Variants in BCAR1 observed in about 807,000 individuals in gnomAD.
BCAR1 encodes the protein BCAR1 scaffold protein, Cas family member.
A neutral mutation model predicts 67.6 loss-of-function variants in BCAR1; 30 were observed. That is an observed-to-expected ratio of 0.44 (90% CI 0.33 to 0.60). The LOEUF is 0.60. Ranked by LOEUF, BCAR1 falls within the 20% of genes least tolerant of loss-of-function variation. The probability of loss-of-function intolerance (pLI) is 0.02; values close to 1 mark genes in which losing one functional copy is unlikely to be tolerated. For synonymous variants in BCAR1, 626 were observed against 556.7 expected, an observed-to-expected ratio of 1.12 and a Z score of -1.75; for missense variants, 1,313 against 1,222.3, an observed-to-expected ratio of 1.07 and a Z score of -1.11.
At chr16:75,238,918 C>G (rs1017015699) in intron 2 of BCAR1, 13 of 985,290 alleles carry the variant, frequency 1.3e-5, no homozygotes, top group Non-Finnish European at 1.6e-5. Flanking sequence ...AGCCTCAAGG[C>G]TCAGCCAGGA....
intron 1 of BCAR1, among the ~76,000 whole-genome samples, chr16:75,259,266 T>G (rs1445711108): frequency 6.6e-6 from 1 of 152,232 alleles, no homozygotes; most frequent in Non-Finnish European, 1.5e-5. Context: ...GGCATACAAT[T>G]GGATATCAGG....
chr16:75,239,419 T>C (rs540031447), intron 2 of BCAR1, among the ~76,000 whole-genome samples: 17 of 151,944 alleles, frequency 1.1e-4, no homozygotes, highest in African/African-American at 4.1e-4. Flanking sequence ...GTGCCGCCCC[T>C]CTCCTCCCCT....
chr16:75,253,542 T>C (rs566086331), upstream of BCAR1, among the ~76,000 whole-genome samples: 1 of 152,176 alleles, frequency 6.6e-6, no homozygotes, highest in Non-Finnish European at 1.5e-5. Flanking sequence ...GTAGCTGCAT[T>C]AGAACAGCAC....
chr16:75,236,860 C>T (rs1445103288), intron 4 of BCAR1, 22 bp downstream of exon 4: 2 of 1,607,912 alleles, frequency 1.2e-6, no homozygotes, highest in Non-Finnish European at 1.7e-6. Flanking sequence ...CTGGCCCTGG[C>T]ATTGCCCTGG....
upstream of BCAR1, chr16:75,252,233 A>G (rs74024754): frequency 2.8e-3 from 4,296 of 1,536,514 alleles, 37 homozygotes; most frequent in African/African-American, 0.031. Flanking sequence ...GGCAGCACCT[A>G]CCTTCCCCTG....
chr16:75,247,935 T>C (rs932024769), intron 1 of BCAR1: 49 of 779,442 alleles, frequency 6.3e-5, no homozygotes, highest in Non-Finnish European at 1.0e-4. Flanking sequence ...AGTGCCACAC[T>C]TGTCACTAAG....
upstream of BCAR1, chr16:75,251,870 A>T (rs536502022): frequency 3.4e-4 from 89 of 260,148 alleles, no homozygotes; most frequent in African/African-American, 2.2e-3. Flanking sequence ...ACCGCTCTCC[A>T]ACAAATGCAC....
At position 75,228,606 on chromosome 16, in the gene BCAR1, A is replaced by C. The variant is rs1188121126; in HGVS notation, c.*905T>G. The C allele has an allele frequency of 1.3e-5, 2 of 152,338 alleles. No individual in the cohort carries two copies. The allele number at this position is 152,338 out of a possible 1,614,324, so 9.4% of individuals were successfully genotyped here. On this transcript the variant is annotated 3_prime_UTR_variant, in exon 7 of 7. Transcript: ENST00000162330. ...GAGATTCTTTTAAGCAGAGCTCTGG[A>C]TGCAGCCCCCAGCGGTGCCCTCGGC...
chr16:75,250,960 G>C, intron 1 of BCAR1: 2 of 985,420 alleles, frequency 2.0e-6, no homozygotes, highest in South Asian at 9.4e-5. Flanking sequence ...CTGGAGCCGG[G>C]TGCTCCGGCT....
intron 1 of BCAR1, chr16:75,245,964 C>CTTTTTGTTTTTTTTTTT (rs2077506215): frequency 2.0e-5 from 1 of 49,634 alleles, no homozygotes; most frequent in Non-Finnish European, 3.6e-5. Flanking sequence ...TAGGATTGTT[C>CTTTTTGTTTTTTTTTTT]TTTTTTTTTT....
upstream of BCAR1, chr16:75,251,781 C>G (rs2077687603): frequency 1.7e-6 from 1 of 598,200 alleles, no homozygotes; most frequent in African/African-American, 2.0e-5. Flanking sequence ...AGGGGCCGCC[C>G]CCCGCCCCGC....
intron 6 of BCAR1, among the ~76,000 whole-genome samples, 176 bp from the exon 7 acceptor site, chr16:75,230,199 G>A (rs973065631): frequency 6.6e-6 from 1 of 152,230 alleles, no homozygotes; most frequent in East Asian, 1.9e-4. Context: ...ACCATGGCAA[G>A]CCTTCTGGAG....
Position 75,235,227 on chromosome 16 carries a change from G to C in BCAR1, c.1672C>G (p.His558Asp), listed in dbSNP as rs2077065202. The C allele has an allele frequency of 6.2e-7, 1 of 1,606,980 alleles. No individual in the cohort carries two copies. Among genetic ancestry groups the C allele is most frequent in the Non-Finnish European group, 8.5e-7 (1 of 1,176,272 alleles). ...CGGCCAGCGTCGAGGGCCTGACCAT[G>C]TGCCACCAGCGTCTGGTGCACGTCC... ...MEDVHQTLVA[H>D]GQALDAGRGG... The change falls in exon 5 of 7, where the codon CAT becomes GAT. Residue 558 changes from histidine to aspartate, a missense_variant. Physicochemically the swap from His to Asp is moderately conservative, Grantham distance 81. This residue lies in a region of BCAR1 where 1,272 missense variants were observed against 1,137.5 expected (regional missense o/e 1.12). Coordinates refer to ENST00000162330, the MANE Select transcript of BCAR1 (RefSeq NM_014567.5).
chr16:75,249,937 G>C (rs761195358), intron 1 of BCAR1: 6 of 152,252 alleles, frequency 3.9e-5, no homozygotes, highest in African/African-American at 9.7e-5. Flanking sequence ...ACAACTGACT[G>C]TCTCTCTGTA....
At chr16:75,244,378 G>A (rs1463192190) in intron 1 of BCAR1, among the ~76,000 whole-genome samples, 2 of 152,270 alleles carry the variant, frequency 1.3e-5, no homozygotes, top group Non-Finnish European at 2.9e-5. Flanking sequence ...GAAACAGGAA[G>A]CAGGAGCCTG....
chr16:75,265,929 C>G, intron 1 of BCAR1: 1 of 1,100,238 alleles, frequency 9.1e-7, no homozygotes, highest in Non-Finnish European at 1.1e-6. Context: ...CGCGAGGGGT[C>G]CCGGCGCTTT....
intron 1 of BCAR1, among the ~76,000 whole-genome samples, chr16:75,267,206 G>A (rs2078021011): frequency 6.6e-6 from 1 of 152,186 alleles, no homozygotes; most frequent in African/African-American, 2.4e-5. Context: ...AGAGAAAGAG[G>A]GAAATCCAGG....
chr16:75,244,722 A>G (rs1308677915), intron 1 of BCAR1, among the ~76,000 whole-genome samples: 2 of 152,204 alleles, frequency 1.3e-5, no homozygotes, highest in African/African-American at 2.4e-5. Flanking sequence ...GGGAGGGGCC[A>G]GGGGGCAGCT....
At chr16:75,255,780 T>C (rs1226945656), upstream of BCAR1, among the ~76,000 whole-genome samples, 1 of 151,512 alleles carries the variant, frequency 6.6e-6, no homozygotes. Context: ...TCATCTGAGG[T>C]CAAGAGTTCA....
Sources: gnomAD v4.1 joint callset for allele counts (sites outside exome capture counted in the v4.1 genomes callset) on GRCh38, gnomAD v4.1.1 for gene constraint, gnomAD v4.1.1 regional missense constraint, MANE v1.5 for transcripts, NCBI Gene and HGNC (gene_info 2026-07-23, HGNC 2026-07-21) for gene names.